NPR3: variants seen among roughly 807,000 people sequenced by gnomAD.
The protein encoded by NPR3 is natriuretic peptide receptor 3.
In NPR3, 34 loss-of-function variants were observed where a neutral mutation model predicts 54.5. The observed-to-expected ratio is 0.62, with a 90% CI of 0.47 to 0.83. The LOEUF (loss-of-function observed/expected upper bound fraction) is 0.83, where lower values mean the gene tolerates loss of function less well. Ranked by LOEUF, NPR3 falls within the 40% of genes least tolerant of loss-of-function variation. NPR3 has a pLI of 0.00. For synonymous variants in NPR3, 289 were observed against 297.1 expected, an observed-to-expected ratio of 0.97 and a Z score of 0.28; for missense variants, 674 against 720.8, an observed-to-expected ratio of 0.94 and a Z score of 0.74.
rs1167150215 is a variant in NPR3 at position 32,752,060 on chromosome 5, T to C, written c.1059+13030T>C. 2.0e-5 allele frequency among the ~76,000 whole-genome samples: 3 copies of C among 151,820 alleles called. No individual in the cohort carries two copies. The East Asian group carries it at 5.8e-4, about 29-fold the overall frequency. ...CTACTAAAAATACAAAAAAGTTAGCTGAGTGTGGTGGTGGGTGCCTGTAAT... is the reference window on the plus strand; with the variant it reads ...CTACTAAAAATACAAAAAAGTTAGCCGAGTGTGGTGGTGGGTGCCTGTAAT... On this transcript the variant is annotated intron_variant, in intron 3 of 7. Coordinates refer to ENST00000265074, the MANE Select transcript of NPR3 (RefSeq NM_001204375.2).
chr5:32,717,841 C>T (rs375366844), intron 1 of NPR3, among the ~76,000 whole-genome samples: 3 of 144,156 alleles, frequency 2.1e-5, no homozygotes, highest in East Asian at 1.9e-4. Context: ...TTTTGCTGTG[C>T]AGAAGCTCTT....
chr5:32,699,554 C>A (rs1160349914), intron 1 of NPR3, among the ~76,000 whole-genome samples: 1 of 152,190 alleles, frequency 6.6e-6, no homozygotes, highest in Non-Finnish European at 1.5e-5. Flanking sequence ...TGATTGAGAA[C>A]ATGCAGTGTT....
chr5:32,705,534 C>T (rs555686488), upstream of NPR3, among the ~76,000 whole-genome samples: 12 of 152,240 alleles, frequency 7.9e-5, no homozygotes, highest in East Asian at 1.5e-3. Context: ...GCATGTCTTA[C>T]ATGGCTAGAG....
Position 32,789,047 on chromosome 5 carries a change from A to G in NPR3, c.*2702A>G, listed in dbSNP as rs1314376367. ...ACATCTTTGACAACTAGTAATTCATACTCTACTAGTAGTCACATGTCATAT... is the reference window on the plus strand; with the variant it reads ...ACATCTTTGACAACTAGTAATTCATGCTCTACTAGTAGTCACATGTCATAT... On this transcript the variant is annotated 3_prime_UTR_variant, in exon 8 of 8. Transcript: ENST00000265074. The G allele has an allele frequency of 1.9e-5, 3 of 157,110 alleles. No individual in the cohort carries two copies. Among genetic ancestry groups the G allele is most frequent in the Non-Finnish European group, 4.2e-5 (3 of 70,898 alleles). 9.7% of individuals were successfully genotyped at this position (157,110 alleles called of 1,614,324 possible). A position where few individuals can be genotyped will look rare whatever the true frequency, so the allele number is the denominator to read the frequency against.
At chr5:32,710,834 G>A, upstream of NPR3, 4 of 1,339,678 alleles carry the variant, frequency 3.0e-6, no homozygotes, top group Non-Finnish European at 4.0e-6. Flanking sequence ...ACAATTTCTA[G>A]AACCATCCCT....
intron 3 of NPR3, among the ~76,000 whole-genome samples, chr5:32,757,314 C>T (rs894670554): frequency 2.6e-5 from 4 of 152,132 alleles, no homozygotes; most frequent in Admixed American, 2.0e-4. Context: ...TGAAGAGGTC[C>T]TTCACATCCC....
chr5:32,778,054 G>T (rs1011884599), intron 4 of NPR3, among the ~76,000 whole-genome samples: 14 of 152,092 alleles, frequency 9.2e-5, no homozygotes, highest in African/African-American at 2.7e-4. Flanking sequence ...GCGCCACTGA[G>T]GGAGGGTGTG....
At chr5:32,739,143 G>A (rs1021223248) in intron 3 of NPR3, 113 bp downstream of exon 3, 11 of 1,026,106 alleles carry the variant, frequency 1.1e-5, no homozygotes, top group African/African-American at 8.1e-5. Context: ...CTAGGTTCAG[G>A]TCTGAATGTC....
intron 2 of NPR3, among the ~76,000 whole-genome samples, chr5:32,731,042 C>T (rs1053190022): frequency 6.6e-6 from 1 of 152,136 alleles, no homozygotes; most frequent in African/African-American, 2.4e-5. Flanking sequence ...TATTTTTCCA[C>T]AATGAGATTG....
chr5:32,785,353 G>C (rs1451408976), intron 7 of NPR3, among the ~76,000 whole-genome samples: 1 of 151,980 alleles, frequency 6.6e-6, no homozygotes, highest in Non-Finnish European at 1.5e-5. Flanking sequence ...GTTTCACCAT[G>C]TTGGCCAGGT....
chr5:32,764,644 C>T lies in NPR3; in HGVS notation c.1060-10064C>T, dbSNP rs187642057. On this transcript the variant is annotated intron_variant, in intron 3 of 7. Coordinates refer to ENST00000265074, the MANE Select transcript of NPR3 (RefSeq NM_001204375.2). ...CTCTACCAAAAATACAAAAGTTAGC[C>T]GGGCGTGGTGGCGGGTGCCTGTAGT... Among the ~76,000 whole-genome samples, 17 of 151,472 alleles carry T rather than the reference C, an allele frequency of 1.1e-4. 1 individual carries two copies. The East Asian group carries it at 1.4e-3, about 12-fold the overall frequency.
At chr5:32,772,947 A>G (rs1741848531) in intron 3 of NPR3, among the ~76,000 whole-genome samples, 1 of 152,162 alleles carries the variant, frequency 6.6e-6, no homozygotes, top group Non-Finnish European at 1.5e-5. Flanking sequence ...TTTGGCAAAC[A>G]CGAAATATCT....
intron 2 of NPR3, among the ~76,000 whole-genome samples, chr5:32,729,397 T>C (rs572216437): frequency 6.6e-6 from 1 of 152,316 alleles, no homozygotes; most frequent in East Asian, 1.9e-4. Context: ...TATGTTGTTA[T>C]GTTGATGCTC....
intron 3 of NPR3, among the ~76,000 whole-genome samples, chr5:32,749,911 A>G (rs1169662856): frequency 1.3e-5 from 2 of 152,162 alleles, no homozygotes; most frequent in Admixed American, 6.5e-5. Flanking sequence ...GAAAAATGGG[A>G]TATTTACATA....
At chr5:32,760,026 G>C (rs1256340339) in intron 3 of NPR3, among the ~76,000 whole-genome samples, 1 of 152,008 alleles carries the variant, frequency 6.6e-6, no homozygotes, top group Non-Finnish European at 1.5e-5. Flanking sequence ...TTTCTCTGTG[G>C]CTGCCCTTAG....
At chr5:32,698,684 G>A (rs1740593403) in intron 1 of NPR3, among the ~76,000 whole-genome samples, 3 of 151,202 alleles carry the variant, frequency 2.0e-5, no homozygotes, top group African/African-American at 4.9e-5. Flanking sequence ...ATTTGCAATT[G>A]TTATATCCTC....
chr5:32,729,956 T>G (rs1412318373), intron 2 of NPR3, among the ~76,000 whole-genome samples: 2 of 152,194 alleles, frequency 1.3e-5, no homozygotes, highest in Non-Finnish European at 2.9e-5. Context: ...AATTTACCAC[T>G]TCTCCTCCTA....
At chr5:32,726,575 T>C (rs531361714) in intron 2 of NPR3, among the ~76,000 whole-genome samples, 4 of 152,228 alleles carry the variant, frequency 2.6e-5, no homozygotes, top group Non-Finnish European at 5.9e-5. Context: ...TGCTGAGTTT[T>C]GCAAGTTGGC....
At chr5:32,767,423 A>G (rs949633445) in intron 3 of NPR3, among the ~76,000 whole-genome samples, 1 of 152,258 alleles carries the variant, frequency 6.6e-6, no homozygotes, top group Non-Finnish European at 1.5e-5. Flanking sequence ...AGCTATGTTT[A>G]CATAACTCCT....
Sources: gnomAD v4.1 joint callset for allele counts (sites outside exome capture counted in the v4.1 genomes callset) on GRCh38, gnomAD v4.1.1 for gene constraint, MANE v1.5 for transcripts, NCBI Gene and HGNC (gene_info 2026-07-23, HGNC 2026-07-21) for gene names.